PRR29: variants seen among roughly 807,000 people sequenced by gnomAD.
PRR29 encodes proline-rich protein 29.
A neutral mutation model predicts 25.1 loss-of-function variants in PRR29; 20 were observed. The observed-to-expected ratio is 0.80, with a 90% CI of 0.56 to 1.16. The LOEUF is 1.16. PRR29 is among the 50% of genes most tolerant of loss of function. PRR29 has a pLI of 0.00. For missense variants in PRR29, 238 were observed against 246.6 expected (o/e 0.97, Z 0.23); for synonymous variants, 108 against 102.6 (o/e 1.05, Z -0.32).
Position 64,002,987 on chromosome 17 carries a change from G to T in PRR29, c.*1226G>T. The T allele has an allele frequency of 6.6e-7, 1 of 1,512,546 alleles. No homozygotes were observed. Among genetic ancestry groups the T allele is most frequent in the Non-Finnish European group, 9.0e-7 (1 of 1,107,492 alleles). The allele number at this position is 1,512,546 out of a possible 1,614,324, so 93.7% of individuals were successfully genotyped here. A position where few individuals can be genotyped will look rare whatever the true frequency, so the allele number is the denominator to read the frequency against. On this transcript the variant is annotated 3_prime_UTR_variant, in exon 6 of 6. Transcript: ENST00000412177. ...TGATCCCAGTTACCAGGGACCAAAA[G>T]GGAGTGGAAGTCCACCCCCAACCCA... is the stretch of plus-strand genomic sequence containing the variant.
chr17:64,002,516 T>G lies in PRR29; in HGVS notation c.*755T>G. 1.1e-5 allele frequency: 6 copies of G among 526,508 alleles called. No individual in the cohort carries two copies. Among genetic ancestry groups the G allele is most frequent in the East Asian group, 3.1e-5 (1 of 31,928 alleles). 32.6% of individuals were successfully genotyped at this position (526,508 alleles called of 1,614,324 possible). A position where few individuals can be genotyped will look rare whatever the true frequency, so the allele number is the denominator to read the frequency against. On this transcript the variant is annotated 3_prime_UTR_variant, in exon 6 of 6. Transcript: ENST00000412177. ...GAAGGAGAGGGTGGGGAGGGAGGCA[T>G]CTAGGGAGAGGGGTCCCCCATGGTG...
intron 3 of PRR29, chr17:63,999,986 C>T (rs2143120509): frequency 6.5e-6 from 1 of 152,690 alleles, no homozygotes; most frequent in Non-Finnish European, 1.5e-5. Context: ...AGTGGGCATC[C>T]TGAGGTCAGG....
chr17:63,998,634 G>GA (rs76735942), intron 1 of PRR29, 73 bp from the exon 2 acceptor site: 722,777 of 1,051,300 alleles, frequency 0.69, 250,841 homozygotes, highest in African/African-American at 0.77. Flanking sequence ...CACTGGCCGG[G>GA]GGGGTTGGGG....
Position 63,998,797 on chromosome 17 carries a change from T to TGCG in PRR29, c.136+15_136+16insGCG. 3.8e-6 allele frequency: 4 copies of TGCG among 1,062,592 alleles called. No homozygotes were observed. The highest frequency in any genetic ancestry group is 5.3e-6 in the Non-Finnish European group (4 of 761,694). 65.8% of individuals were successfully genotyped at this position (1,062,592 alleles called of 1,614,324 possible). ...CGTGAAGGAAGGTGAGACTCCCGGG[T>TGCG]CCCCCCACCCCACCCCCACCATCAC... On this transcript the variant is annotated intron_variant, in intron 2 of 5. Coordinates refer to ENST00000412177, the MANE Select transcript of PRR29 (RefSeq NM_001164257.2).
intron 3 of PRR29, 85 bp from the exon 4 acceptor site, chr17:64,000,999 A>C (rs1910676620): frequency 1.7e-6 from 2 of 1,168,854 alleles, no homozygotes; most frequent in South Asian, 2.7e-5. Context: ...TCTGGAGGAA[A>C]TAACTTAGGG....
rs765294441 is a variant in PRR29 at position 63,998,755 on chromosome 17, C to G, written c.109C>G (p.Pro37Ala). The G allele has an allele frequency of 2.7e-5, 41 of 1,529,386 alleles. 1 individual carries two copies. The South Asian group carries it at 3.5e-4, about 13-fold the overall frequency. 94.7% of individuals were successfully genotyped at this position (1,529,386 alleles called of 1,614,324 possible). The change falls in exon 2 of 6, where the codon CCC becomes GCC. Residue 37 changes from proline to alanine, a missense_variant. Coordinates refer to ENST00000412177, the MANE Select transcript of PRR29 (RefSeq NM_001164257.2). ...QPLSWAVPPA[P>A]PQPGRVKEDL... is the part of the protein sequence containing the mutation. ...CCTCTCGTGGGCCGTCCCACCTGCG[C>G]CCCCGCAGCCAGGCCGCGTGAAGGA...
intron 3 of PRR29, chr17:64,000,837 T>G (rs1910643809): frequency 5.1e-6 from 2 of 389,660 alleles, no homozygotes; most frequent in Non-Finnish European, 4.7e-6. Flanking sequence ...TTTTTTTTTT[T>G]TGGTATTTTT....
Position 63,998,796 on chromosome 17 carries a change from G to GGGCCCCCCCCCCCC in PRR29, c.136+14_136+15insGGCCCCCCCCCCCC. ...GCGTGAAGGAAGGTGAGACTCCCGG[G>GGGCCCCCCCCCCCC]TCCCCCCACCCCACCCCCACCATCA... is the stretch of plus-strand genomic sequence containing the variant. On this transcript the variant is annotated intron_variant, in intron 2 of 5. Transcript: ENST00000412177. The GGGCCCCCCCCCCCC allele has an allele frequency of 7.4e-7, 1 of 1,345,602 alleles. No individual in the cohort carries two copies. The highest frequency in any genetic ancestry group is 2.0e-5 in the Admixed American group (1 of 50,238). 83.4% of individuals were successfully genotyped at this position (1,345,602 alleles called of 1,614,324 possible).
chr17:63,999,439 G>T (rs992638035), intron 3 of PRR29: 1 of 305,548 alleles, frequency 3.3e-6, no homozygotes, highest in Middle Eastern at 1.0e-3. Flanking sequence ...TTTGTTGAAC[G>T]AGTGAATGAA....
In PRR29 at chr17:64,002,489, G is replaced by A. The variant is rs1017852159; in HGVS notation, c.*728G>A. On this transcript the variant is annotated 3_prime_UTR_variant, in exon 6 of 6. Coordinates refer to ENST00000412177, the MANE Select transcript of PRR29 (RefSeq NM_001164257.2). ...CTGTTGCATGGGCTGGGAGGCCCCT[G>A]TGAAGGAGAGGGTGGGGAGGGAGGC... The A allele has an allele frequency of 3.9e-6, 2 of 519,264 alleles. No homozygotes were observed. Among genetic ancestry groups the A allele is most frequent in the Non-Finnish European group, 7.0e-6 (2 of 287,582 alleles). 32.2% of individuals were successfully genotyped at this position (519,264 alleles called of 1,614,324 possible). A position where few individuals can be genotyped will look rare whatever the true frequency, so the allele number is the denominator to read the frequency against.
At position 64,002,879 on chromosome 17, in the gene PRR29, C is replaced by G. The variant is rs774163017; in HGVS notation, c.*1118C>G. ...ATGTCACGAACAGGGACAGCAACAC[C>G]GACACCACCGTGACTATGATGACCA... On this transcript the variant is annotated 3_prime_UTR_variant, in exon 6 of 6. Coordinates refer to ENST00000412177, the MANE Select transcript of PRR29 (RefSeq NM_001164257.2). 56 of 1,613,740 alleles carry G rather than the reference C, an allele frequency of 3.5e-5. No individual in the cohort carries two copies. The highest frequency in any genetic ancestry group is 4.5e-5 in the Non-Finnish European group (53 of 1,179,948).
rs984473667 is a variant in PRR29 at position 63,998,412 on chromosome 17, C to T, written c.48C>T (p.Ser16=). The change falls in exon 1 of 6, where the codon AGC becomes AGT. Residue 16 remains serine, a synonymous_variant. Coordinates refer to ENST00000412177, the MANE Select transcript of PRR29 (RefSeq NM_001164257.2). The part of the protein sequence containing the change: ...GGSWGRSPPQ[S]AVPTPWVTFL... ...GCTGGGGTCGCTCCCCACCGCAGAGCGCAGTCCCGACGGTGAGGGCTGAGC... is the reference window on the plus strand; with the variant it reads ...GCTGGGGTCGCTCCCCACCGCAGAGTGCAGTCCCGACGGTGAGGGCTGAGC... 9 of 1,500,280 alleles carry T rather than the reference C, an allele frequency of 6.0e-6. No homozygotes were observed. Among genetic ancestry groups the T allele is most frequent in the African/African-American group, 2.8e-5 (2 of 71,768 alleles). 92.9% of individuals were successfully genotyped at this position (1,500,280 alleles called of 1,614,324 possible). A position where few individuals can be genotyped will look rare whatever the true frequency, so the allele number is the denominator to read the frequency against.
rs1479299421 is a variant in PRR29 at position 64,002,009 on chromosome 17, C to T, written c.*248C>T. The T allele has an allele frequency of 9.8e-6, 15 of 1,526,826 alleles. No individual in the cohort carries two copies. The highest frequency in any genetic ancestry group is 1.2e-5 in the Non-Finnish European group (14 of 1,140,522). 94.6% of individuals were successfully genotyped at this position (1,526,826 alleles called of 1,614,324 possible). A position where few individuals can be genotyped will look rare whatever the true frequency, so the allele number is the denominator to read the frequency against. On this transcript the variant is annotated 3_prime_UTR_variant, in exon 6 of 6. Transcript: ENST00000412177. The stretch of plus-strand genomic sequence containing the variant: ...TAGAGCACCACCCAGGCCCTTGAAG[C>T]CACGTCAGCCCGCCTCTGCCCCACT...
chr17:64,003,586 C>A lies in PRR29; in HGVS notation c.*1825C>A, dbSNP rs531264233. The A allele has an allele frequency of 5.3e-6, 8 of 1,514,588 alleles. No individual in the cohort carries two copies. The East Asian group carries it at 1.6e-4, about 30-fold the overall frequency. The allele number at this position is 1,514,588 out of a possible 1,614,324, so 93.8% of individuals were successfully genotyped here. ...CAAGTGGGACTCAAGATTTTTCTTCCCCCGAGGGGCTGAAAGTGACTTATC... is the reference window on the plus strand; with the variant it reads ...CAAGTGGGACTCAAGATTTTTCTTCACCCGAGGGGCTGAAAGTGACTTATC... On this transcript the variant is annotated 3_prime_UTR_variant, in exon 6 of 6. Coordinates refer to ENST00000412177, the MANE Select transcript of PRR29 (RefSeq NM_001164257.2).
chr17:64,001,531 G>A lies in PRR29; in HGVS notation c.535G>A (p.Ala179Thr). 6.6e-7 allele frequency: 1 copy of A among 1,517,734 alleles called. No individual in the cohort carries two copies. Among genetic ancestry groups the A allele is most frequent in the Non-Finnish European group, 8.8e-7 (1 of 1,138,738 alleles). The allele number at this position is 1,517,734 out of a possible 1,614,324, so 94.0% of individuals were successfully genotyped here. ...TGTVGADVPP[A>T]SDYYDAESLL is the part of the protein sequence containing the mutation. ...GACTGTGGGTGCTGATGTACCCCCGGCTTCAGGTAGGGCTGGGGTGGTGGG... is the reference window on the plus strand; with the variant it reads ...GACTGTGGGTGCTGATGTACCCCCGACTTCAGGTAGGGCTGGGGTGGTGGG... The change falls in exon 5 of 6, where the codon GCT becomes ACT. Residue 179 changes from alanine (A) to threonine (T), a missense_variant. By Grantham distance (58) the Ala-to-Thr change is moderately conservative. Coordinates refer to ENST00000412177, the MANE Select transcript of PRR29 (RefSeq NM_001164257.2).
Position 64,003,073 on chromosome 17 carries a change from T to G in PRR29, c.*1312T>G. ...CAGTCACCCCAGTTGCAGAGATGAG[T>G]GGTGAATGGTGTCTGCATTAAAATT... On this transcript the variant is annotated 3_prime_UTR_variant, in exon 6 of 6. Coordinates refer to ENST00000412177, the MANE Select transcript of PRR29 (RefSeq NM_001164257.2). 1 of 624,910 alleles carries G rather than the reference T, an allele frequency of 1.6e-6. No homozygotes were observed. Among genetic ancestry groups the G allele is most frequent in the Admixed American group, 2.9e-5 (1 of 33,996 alleles). The allele number at this position is 624,910 out of a possible 1,614,324, so 38.7% of individuals were successfully genotyped here. A position where few individuals can be genotyped will look rare whatever the true frequency, so the allele number is the denominator to read the frequency against.
Position 63,998,663 on chromosome 17 carries a change from C to G in PRR29, c.61-44C>G, listed in dbSNP as rs964154516. ...GTTGGGGCTCGCGACGTGTCCCCAT[C>G]CATTCCCCCCACCCCACCTGGCTGA... On this transcript the variant is annotated intron_variant, in intron 1 of 5. Transcript: ENST00000412177. 22 of 1,125,940 alleles carry G rather than the reference C, an allele frequency of 2.0e-5. No individual in the cohort carries two copies. In the Admixed American group the frequency reaches 3.8e-4, roughly 20 times the overall value. 69.7% of individuals were successfully genotyped at this position (1,125,940 alleles called of 1,614,324 possible). A position where few individuals can be genotyped will look rare whatever the true frequency, so the allele number is the denominator to read the frequency against.
In PRR29 at chr17:64,001,806, A is replaced by T. The variant is rs762217846; in HGVS notation, c.*45A>T. 4 of 1,536,960 alleles carry T rather than the reference A, an allele frequency of 2.6e-6. No individual in the cohort carries two copies. In the South Asian group the frequency reaches 4.8e-5, roughly 18 times the overall value. ...GAACTGCACCAGCTTCCTGCTCTGG[A>T]TACAGCCCCGGAGCCGCCTCCTGCA... On this transcript the variant is annotated 3_prime_UTR_variant, in exon 6 of 6. Coordinates refer to ENST00000412177, the MANE Select transcript of PRR29 (RefSeq NM_001164257.2).
At position 63,999,913 on chromosome 17, in the gene PRR29, T is replaced by G. The variant is rs977837528; in HGVS notation, c.243+839T>G. 3.9e-5 allele frequency: 6 copies of G among 153,024 alleles called. No homozygotes were observed. In the East Asian group the frequency reaches 9.6e-4, roughly 24 times the overall value. 9.5% of individuals were successfully genotyped at this position (153,024 alleles called of 1,614,324 possible). On this transcript the variant is annotated intron_variant, in intron 3 of 5. Coordinates refer to ENST00000412177, the MANE Select transcript of PRR29 (RefSeq NM_001164257.2). ...AAGCAAGTGTGTGCAAGTGGGGGTG[T>G]GTGCAAGCGTGTGTGTGCATGCATG...
Sources: gnomAD v4.1 joint callset for allele counts on GRCh38, gnomAD v4.1.1 for gene constraint, MANE v1.5 for transcripts, NCBI Gene and HGNC (gene_info 2026-07-23, HGNC 2026-07-21) for gene names.